The following L3MBTL3 variants were observed in gnomAD, a reference collection of about 807,000 sequenced individuals.
The protein encoded by L3MBTL3 is lethal(3)malignant brain tumor-like protein 3.
Under a neutral mutation model 102.3 loss-of-function variants are expected in L3MBTL3, and 27 were observed. The ratio of observed to expected loss-of-function variants is 0.26; its 90% CI spans 0.19 to 0.36. The LOEUF (loss-of-function observed/expected upper bound fraction) is 0.36, where lower values mean the gene tolerates loss of function less well. Among genes scored for constraint, L3MBTL3 ranks in the 10% least tolerant of loss-of-function variants. The probability of loss-of-function intolerance (pLI) is 1.00; values close to 1 mark genes in which losing one functional copy is unlikely to be tolerated. For missense variants in L3MBTL3, 798 were observed against 955.3 expected (o/e 0.84, Z 2.17); for synonymous variants, 340 against 320.9 (o/e 1.06, Z -0.64).
intron 10 of L3MBTL3, among the ~76,000 whole-genome samples, chr6:130,063,059 T>G (rs1048687051): frequency 6.6e-6 from 1 of 150,752 alleles, no homozygotes; most frequent in Non-Finnish European, 1.5e-5. Flanking sequence ...GTATTTGAAT[T>G]CTGAAGAAGC....
chr6:130,077,396 T>G (rs1783024132), intron 13 of L3MBTL3, among the ~76,000 whole-genome samples: 5 of 152,176 alleles, frequency 3.3e-5, no homozygotes, highest in Admixed American at 2.6e-4. Flanking sequence ...AGTGCTTGGT[T>G]TTTTTTCATA....
intron 3 of L3MBTL3, among the ~76,000 whole-genome samples, chr6:130,048,193 A>G (rs1271707850): frequency 6.6e-6 from 1 of 152,176 alleles, no homozygotes; most frequent in Non-Finnish European, 1.5e-5. Context: ...GACTAAATCG[A>G]TTTTTTCGGA....
intron 9 of L3MBTL3, among the ~76,000 whole-genome samples, chr6:130,059,674 G>T (rs1356833488): frequency 2.0e-5 from 3 of 152,160 alleles, no homozygotes; most frequent in African/African-American, 7.2e-5. Flanking sequence ...TGATGTATGC[G>T]TGTGTCTGTT....
At chr6:130,026,524 C>G (rs576946441) in intron 2 of L3MBTL3, among the ~76,000 whole-genome samples, 1 of 151,342 alleles carries the variant, frequency 6.6e-6, no homozygotes, top group East Asian at 1.9e-4. Context: ...CTAAGATGAG[C>G]AATAATGAAC....
intron 6 of L3MBTL3, 129 bp from the exon 7 acceptor site, chr6:130,052,730 C>A: frequency 9.0e-7 from 1 of 1,114,906 alleles, no homozygotes; most frequent in Non-Finnish European, 1.2e-6. Flanking sequence ...CTACAGATTT[C>A]TCCTGGTAGT....
At chr6:130,024,705 A>G (rs573885716) in intron 2 of L3MBTL3, among the ~76,000 whole-genome samples, 116 of 152,270 alleles carry the variant, frequency 7.6e-4, no homozygotes, top group African/African-American at 2.7e-3. Context: ...TGTTTCTACT[A>G]GTTACTTAAC....
chr6:130,058,819 GT>G (rs1781698448), intron 9 of L3MBTL3, among the ~76,000 whole-genome samples: 3 of 152,184 alleles, frequency 2.0e-5, no homozygotes. Context: ...GCAGACTGGA[GT>G]TTGCTGAACC....
chr6:130,132,959 A>G (rs1048912130), intron 20 of L3MBTL3, among the ~76,000 whole-genome samples: 2 of 151,116 alleles, frequency 1.3e-5, no homozygotes, highest in Non-Finnish European at 2.9e-5. Flanking sequence ...AAAAATCAGT[A>G]TGATTAGTAA....
intron 18 of L3MBTL3, among the ~76,000 whole-genome samples, chr6:130,101,948 A>T (rs1402512305): frequency 6.6e-6 from 1 of 152,194 alleles, no homozygotes; most frequent in Non-Finnish European, 1.5e-5. Context: ...GCTCATGGCG[A>T]TGCGTGAAAT....
intron 3 of L3MBTL3, among the ~76,000 whole-genome samples, chr6:130,045,842 G>A (rs1007938038): frequency 6.6e-6 from 1 of 152,186 alleles, no homozygotes; most frequent in African/African-American, 2.4e-5. Context: ...AGAGGGAGTA[G>A]CTTAAGAAGG....
At chr6:130,084,910 A>G (rs113118542) in intron 15 of L3MBTL3, among the ~76,000 whole-genome samples, 3,656 of 152,008 alleles carry the variant, frequency 0.024, 146 homozygotes, top group African/African-American at 0.081. Context: ...TCTCACTACA[A>G]TCTCCACCTC....
At chr6:130,053,075 C>T in intron 7 of L3MBTL3, 84 bp downstream of exon 7, 1 of 1,063,324 alleles carries the variant, frequency 9.4e-7, no homozygotes, top group Non-Finnish European at 1.4e-6. Flanking sequence ...CTCTGGAGCC[C>T]ACTGAGTTCA....
chr6:130,126,693 T>G (rs1786630798), intron 20 of L3MBTL3, among the ~76,000 whole-genome samples: 3 of 152,136 alleles, frequency 2.0e-5, no homozygotes, highest in Admixed American at 2.0e-4. Context: ...ATTTGCAGAT[T>G]TCTACTTTGG....
At chr6:130,119,500 A>C (rs985717932) in intron 19 of L3MBTL3, among the ~76,000 whole-genome samples, 1 of 152,190 alleles carries the variant, frequency 6.6e-6, no homozygotes, top group Admixed American at 6.5e-5. Context: ...CAATACTTCA[A>C]CTAATGTTCT....
At chr6:130,028,466 C>G (rs1046592667) in intron 2 of L3MBTL3, among the ~76,000 whole-genome samples, 1 of 152,184 alleles carries the variant, frequency 6.6e-6, no homozygotes, top group African/African-American at 2.4e-5. Context: ...GAACAGAAGA[C>G]CCAACTTCTC....
At chr6:130,104,985 G>A (rs1438701211) in intron 19 of L3MBTL3, among the ~76,000 whole-genome samples, 3 of 152,128 alleles carry the variant, frequency 2.0e-5, no homozygotes, top group Admixed American at 2.0e-4. Flanking sequence ...TATATGCCAA[G>A]TACTTGCATA....
intron 2 of L3MBTL3, among the ~76,000 whole-genome samples, chr6:130,034,488 A>G (rs1779923669): frequency 6.6e-6 from 1 of 152,136 alleles, no homozygotes; most frequent in Non-Finnish European, 1.5e-5. Flanking sequence ...AGCATTTGGT[A>G]GTTTTGTTCG....
intron 19 of L3MBTL3, among the ~76,000 whole-genome samples, chr6:130,107,052 C>T (rs1210518305): frequency 6.6e-6 from 1 of 152,188 alleles, no homozygotes; most frequent in East Asian, 1.9e-4. Flanking sequence ...TAGCAATGAC[C>T]ATCCTCTGGC....
At chr6:130,070,659 A>G (rs1056796391) in intron 12 of L3MBTL3, among the ~76,000 whole-genome samples, 6 of 152,090 alleles carry the variant, frequency 3.9e-5, no homozygotes, top group African/African-American at 1.4e-4. Flanking sequence ...AAACTTGCCT[A>G]CCTATTACAG....
Sources: allele counts gnomAD v4.1 joint callset (sites outside exome capture counted in the v4.1 genomes callset), GRCh38; gene constraint gnomAD v4.1.1; transcripts MANE v1.5; gene names NCBI Gene and HGNC (gene_info 2026-07-23, HGNC 2026-07-21).